The following RANBP2 variants were observed in gnomAD, a reference collection of about 807,000 sequenced individuals.
RANBP2 encodes the protein RAN binding protein 2.
In RANBP2, 57 loss-of-function variants were observed where a neutral mutation model predicts 303.6. The ratio of observed to expected loss-of-function variants is 0.19; its 90% CI spans 0.15 to 0.23. The LOEUF is 0.23. Ranked by LOEUF, RANBP2 falls within the 10% of genes least tolerant of loss-of-function variation. The pLI, the probability that RANBP2 is intolerant of heterozygous loss-of-function variation, is 1.00. For missense variants in RANBP2, 3,138 were observed against 3,780.8 expected (o/e 0.83, Z 4.46); for synonymous variants, 1,167 against 1,301.5 (o/e 0.90, Z 2.23).
the RANBP2 span, among the ~76,000 whole-genome samples, chr2:108,811,247 C>CTCTTTTTTTTTCTTTTTTTTTTTTTT: frequency 8.8e-6 from 1 of 113,940 alleles, no homozygotes; most frequent in Non-Finnish European, 1.7e-5. Flanking sequence ...TTCTCTCTCT[C>CTCTTTTTTTTTCTTTTTTTTTTTTTT]TTTTTTTTTT....
At chr2:109,497,992 C>G in the RANBP2 span, among the ~76,000 whole-genome samples, 1 of 152,162 alleles carries the variant, frequency 6.6e-6, no homozygotes, top group South Asian at 2.1e-4. Context: ...TGGCGCTGAT[C>G]CTGTGGGCCC....
At chr2:109,422,199 A>G in the RANBP2 span, among the ~76,000 whole-genome samples, 4 of 152,244 alleles carry the variant, frequency 2.6e-5, no homozygotes, top group African/African-American at 7.2e-5. Flanking sequence ...AACCACAGCA[A>G]ACAACAGTGC....
At chr2:109,072,563 C>T in the RANBP2 span, among the ~76,000 whole-genome samples, 1 of 152,180 alleles carries the variant, frequency 6.6e-6, no homozygotes, top group African/African-American at 2.4e-5. Context: ...GGCCTCTAAA[C>T]CATCTGTGTC....
chr2:108,815,968 CT>C, the RANBP2 span: 2 of 1,612,556 alleles, frequency 1.2e-6, no homozygotes, highest in Non-Finnish European at 1.7e-6. Flanking sequence ...AGTTTATGAA[CT>C]TTTAACTGTC....
At chr2:109,598,184 T>G in the RANBP2 span, among the ~76,000 whole-genome samples, 15 of 152,118 alleles carry the variant, frequency 9.9e-5, no homozygotes, top group South Asian at 2.9e-3. Context: ...TGCCTCAGCC[T>G]CCCAAGTAGA....
chr2:109,500,152 A>C, the RANBP2 span, among the ~76,000 whole-genome samples: 4 of 152,168 alleles, frequency 2.6e-5, no homozygotes, highest in Non-Finnish European at 5.9e-5. Flanking sequence ...GGCACTTTAA[A>C]GGGGACTGGG....
At chr2:109,206,542 C>T in the RANBP2 span, among the ~76,000 whole-genome samples, 8 of 138,294 alleles carry the variant, frequency 5.8e-5, no homozygotes, top group Non-Finnish European at 1.2e-4. Flanking sequence ...AGTGTGGTGG[C>T]TCACACCTAT....
chr2:109,330,327 CTT>C, the RANBP2 span, among the ~76,000 whole-genome samples: 1 of 152,138 alleles, frequency 6.6e-6, no homozygotes, highest in Non-Finnish European at 1.5e-5. Flanking sequence ...AAATTCTTCT[CTT>C]GTGCCTATCT....
chr2:108,788,045 A>G, downstream of RANBP2: 4 of 1,577,464 alleles, frequency 2.5e-6, no homozygotes, highest in Admixed American at 1.9e-5. Context: ...GATTTTTCAA[A>G]TTTTTATCAG....
the RANBP2 span, chr2:109,449,401 G>C: frequency 6.2e-7 from 1 of 1,613,338 alleles, no homozygotes; most frequent in Non-Finnish European, 8.5e-7. Flanking sequence ...AACCTCAACG[G>C]GGAGGCTGGA....
the RANBP2 span, among the ~76,000 whole-genome samples, chr2:109,669,304 G>T: frequency 6.6e-6 from 1 of 152,132 alleles, no homozygotes; most frequent in African/African-American, 2.4e-5. Context: ...AATCACAGGC[G>T]ACCAAAGCAA....
At chr2:109,080,600 G>A in the RANBP2 span, among the ~76,000 whole-genome samples, 4 of 152,134 alleles carry the variant, frequency 2.6e-5, no homozygotes, top group Non-Finnish European at 5.9e-5. Context: ...TTTGCTATAA[G>A]GTGCATTCTT....
the RANBP2 span, among the ~76,000 whole-genome samples, chr2:109,424,161 G>A: frequency 6.6e-6 from 1 of 152,208 alleles, no homozygotes. Flanking sequence ...CCTGCGCTGT[G>A]GCTGAAGGGA....
chr2:108,811,068 A>G, the RANBP2 span, among the ~76,000 whole-genome samples: 1 of 147,334 alleles, frequency 6.8e-6, no homozygotes. Flanking sequence ...TTCCGATTTT[A>G]TCTGTTTGGG....
chr2:109,531,924 G>T, the RANBP2 span, among the ~76,000 whole-genome samples: 1 of 152,238 alleles, frequency 6.6e-6, no homozygotes, highest in African/African-American at 2.4e-5. Context: ...CTCATGTATA[G>T]AAATTGATTG....
At chr2:109,630,659 T>C in the RANBP2 span, among the ~76,000 whole-genome samples, 4 of 152,224 alleles carry the variant, frequency 2.6e-5, no homozygotes, top group Admixed American at 6.5e-5. Flanking sequence ...CTCTCCTTTG[T>C]TTCCTCTCAT....
the RANBP2 span, among the ~76,000 whole-genome samples, chr2:108,902,626 A>C: frequency 6.6e-6 from 1 of 152,228 alleles, no homozygotes; most frequent in Non-Finnish European, 1.5e-5. Context: ...ATATAAATGC[A>C]AAATCCTTAA....
At chr2:108,796,627 ATAT>A in the RANBP2 span, among the ~76,000 whole-genome samples, 5 of 152,242 alleles carry the variant, frequency 3.3e-5, no homozygotes, top group African/African-American at 4.8e-5. Context: ...ACACAATGGA[ATAT>A]TATTCAGCCA....
chr2:109,446,971 G>A, the RANBP2 span, among the ~76,000 whole-genome samples: 1 of 151,880 alleles, frequency 6.6e-6, no homozygotes. Flanking sequence ...CAGCTGAGGG[G>A]AGAGACGAAT....
Sources: allele counts gnomAD v4.1 joint callset (sites outside exome capture counted in the v4.1 genomes callset), GRCh38; gene constraint gnomAD v4.1.1; transcripts MANE v1.5; gene names NCBI Gene and HGNC (gene_info 2026-07-23, HGNC 2026-07-21).